Variants in ALPK3 observed in about 807,000 individuals in gnomAD.
ALPK3 encodes the protein alpha-protein kinase 3.
Under a neutral mutation model 140.0 loss-of-function variants are expected in ALPK3, and 102 were observed. The ratio of observed to expected loss-of-function variants is 0.73; its 90% confidence interval spans 0.62 to 0.86. The LOEUF is 0.86. Among genes scored for constraint, ALPK3 ranks in the 40% least tolerant of loss-of-function variants. ALPK3 has a pLI of 0.00. For synonymous variants in ALPK3, 938 were observed against 898.5 expected (o/e 1.04, Z -0.79); for missense variants, 2,254 against 2,208.2 (o/e 1.02, Z -0.42).
rs1363737071 is a variant in ALPK3 at position 84,827,624 on chromosome 15, T to C, written c.304+19T>C. On this transcript the variant is annotated intron_variant, in intron 3 of 13. Coordinates refer to ENST00000258888, the MANE Select transcript of ALPK3 (RefSeq NM_020778.5). ...GTCACAGGTAAGGATGCTGTCTGTATGCTCCATGCCAGGGCCTCTGCACAG... is the reference window on the plus strand; with the variant it reads ...GTCACAGGTAAGGATGCTGTCTGTACGCTCCATGCCAGGGCCTCTGCACAG... 1 of 1,613,628 alleles carries C rather than the reference T, an allele frequency of 6.2e-7. No homozygotes were observed. Among genetic ancestry groups the C allele is most frequent in the South Asian group, 1.1e-5 (1 of 91,044 alleles).
At chr15:84,841,294 G>A (rs989418359) in intron 5 of ALPK3, among the ~76,000 whole-genome samples, 5 of 152,176 alleles carry the variant, frequency 3.3e-5, no homozygotes, top group Non-Finnish European at 7.3e-5. Flanking sequence ...TGGGGGAGAC[G>A]GAGGAGCAGG....
At position 84,856,499 on chromosome 15, in the gene ALPK3, C is replaced by T. The variant is rs553683548; in HGVS notation, c.1761C>T (p.Pro587=). 1 of 1,614,160 alleles carries T rather than the reference C, an allele frequency of 6.2e-7. No homozygotes were observed. Among genetic ancestry groups the T allele is most frequent in the South Asian group, 1.1e-5 (1 of 91,072 alleles). ...STSGSQGIIE[P]MDMETQEDGR... Reference sequence around the variant, plus strand: ...CCGGAAGTCAAGGTATCATTGAACCCATGGATATGGAAACCCAGGAGGATG... The same window carrying T: ...CCGGAAGTCAAGGTATCATTGAACCTATGGATATGGAAACCCAGGAGGATG... The change falls in exon 6 of 14, where the codon CCC becomes CCT. Residue 587 remains proline, a synonymous_variant. Coordinates refer to ENST00000258888, the MANE Select transcript of ALPK3 (RefSeq NM_020778.5).
chr15:84,830,729 C>T (rs1963537269), intron 3 of ALPK3, among the ~76,000 whole-genome samples: 1 of 152,134 alleles, frequency 6.6e-6, no homozygotes, highest in Non-Finnish European at 1.5e-5. Flanking sequence ...GGCAAGATTT[C>T]CTCTGTCACC....
At chr15:84,856,356 G>T (rs533702189) in intron 5 of ALPK3, 36 bp from the exon 6 acceptor site, 2 of 1,552,176 alleles carry the variant, frequency 1.3e-6, no homozygotes, top group Admixed American at 2.0e-5. Flanking sequence ...GAATGTCCAT[G>T]TAGTTAAATC....
In ALPK3 at chr15:84,857,695, C is replaced by T; in HGVS notation, c.2957C>T (p.Ala986Val). 1 of 1,610,718 alleles carries T rather than the reference C, an allele frequency of 6.2e-7. No individual in the cohort carries two copies. Among genetic ancestry groups the T allele is most frequent in the Non-Finnish European group, 8.5e-7 (1 of 1,177,646 alleles). The change falls in exon 6 of 14, where the codon GCA (alanine) becomes GTA (valine). Residue 986 changes from alanine to valine, a missense_variant. Ala to Val is a moderately conservative substitution (Grantham distance 64). Transcript: ENST00000258888. ...SGAGGESQVG[A>V]ATGGLVPSAT... ...GCAGGGGGAGAGTCCCAGGTGGGGG[C>T]AGCCACCGGAGGTCTGGTGCCCTCA... is the stretch of plus-strand genomic sequence containing the variant.
chr15:84,868,204 G>C lies in ALPK3; in HGVS notation c.4866G>C (p.Leu1622=), dbSNP rs756375958. Residue 1622 remains leucine, a synonymous_variant, in exon 14 of 14, where the codon CTG becomes CTC. Coordinates refer to ENST00000258888, the MANE Select transcript of ALPK3 (RefSeq NM_020778.5). The part of the protein sequence containing the change: ...QCNAYCELLG[L]TPLKGPEAAH... ...ATGCCTACTGTGAGCTGCTGGGGCT[G>C]ACACCTCTCAAGGGCCCGGAGGCGG... 1 of 1,614,040 alleles carries C rather than the reference G, an allele frequency of 6.2e-7. No individual in the cohort carries two copies. Among genetic ancestry groups the C allele is most frequent in the Non-Finnish European group, 8.5e-7 (1 of 1,180,028 alleles).
chr15:84,848,541 A>G (rs1011144005), intron 5 of ALPK3, among the ~76,000 whole-genome samples: 60 of 152,314 alleles, frequency 3.9e-4, no homozygotes, highest in African/African-American at 1.4e-3. Flanking sequence ...AGGCAAGAAT[A>G]GGGAAACACA....
chr15:84,858,703 A>G, intron 6 of ALPK3, 148 bp downstream of exon 6: 1 of 1,271,376 alleles, frequency 7.9e-7, no homozygotes, highest in Non-Finnish European at 1.0e-6. Context: ...CCCTTCTCTC[A>G]CAGCCTTTAA....
At chr15:84,851,781 T>C (rs1450630285) in intron 5 of ALPK3, among the ~76,000 whole-genome samples, 1 of 152,232 alleles carries the variant, frequency 6.6e-6, no homozygotes, top group Non-Finnish European at 1.5e-5. Flanking sequence ...ATTTAGGTGA[T>C]TTCTAGTCTA....
intron 1 of ALPK3, among the ~76,000 whole-genome samples, chr15:84,822,180 A>G (rs1963433893): frequency 6.6e-6 from 1 of 152,154 alleles, no homozygotes; most frequent in Non-Finnish European, 1.5e-5. Flanking sequence ...CTGTAGTGCA[A>G]CAACAAGAGC....
Position 84,857,046 on chromosome 15 carries a change from G to A in ALPK3, c.2308G>A (p.Gly770Ser). 1 of 1,614,162 alleles carries A rather than the reference G, an allele frequency of 6.2e-7. No individual in the cohort carries two copies. Among genetic ancestry groups the A allele is most frequent in the South Asian group, 1.1e-5 (1 of 91,080 alleles). ...PEGSCFPKKP[G>S]CLPRSEEAVV... Reference sequence around the variant, plus strand: ...AGGGTCTTGTTTCCCAAAAAAACCTGGTTGCCTGCCCAGATCTGAGGAGGC... The same window carrying A: ...AGGGTCTTGTTTCCCAAAAAAACCTAGTTGCCTGCCCAGATCTGAGGAGGC... Residue 770 changes from glycine (G) to serine (S), a missense_variant, in exon 6 of 14, where the codon GGT becomes AGT. Transcript: ENST00000258888.
At chr15:84,818,096 T>C (rs1432386883) in intron 1 of ALPK3, among the ~76,000 whole-genome samples, 1 of 151,848 alleles carries the variant, frequency 6.6e-6, no homozygotes, top group Non-Finnish European at 1.5e-5. Flanking sequence ...ATAAGGTTCC[T>C]CTACTGGGCC....
intron 5 of ALPK3, among the ~76,000 whole-genome samples, chr15:84,848,061 C>CAA (rs376508901): frequency 0.066 from 8,407 of 127,506 alleles, 364 homozygotes; most frequent in East Asian, 0.2. Flanking sequence ...GACTTGATCT[C>CAA]AAAAAAAAAA....
At chr15:84,839,207 G>A in intron 4 of ALPK3, 110 bp downstream of exon 4, 4 of 897,646 alleles carry the variant, frequency 4.5e-6, no homozygotes, top group Non-Finnish European at 6.9e-6. Flanking sequence ...GGCACTCTCT[G>A]GGGATGGAGG....
intron 5 of ALPK3, among the ~76,000 whole-genome samples, chr15:84,841,716 C>A (rs1963669563): frequency 6.6e-6 from 1 of 151,984 alleles, no homozygotes; most frequent in Non-Finnish European, 1.5e-5. Context: ...CCCAAAGAGG[C>A]AGATGGGTGG....
chr15:84,861,746 C>A (rs1963948082), intron 9 of ALPK3, among the ~76,000 whole-genome samples: 5 of 151,554 alleles, frequency 3.3e-5, no homozygotes. Context: ...TAAATACTTG[C>A]TCTTTTCCCT....
Position 84,860,928 on chromosome 15 carries a change from G to T in ALPK3, c.4129+856G>T, listed in dbSNP as rs143386990. Among the ~76,000 whole-genome samples, 94 of 152,338 alleles carry T rather than the reference G, an allele frequency of 6.2e-4. 1 individual carries two copies. The highest frequency in any genetic ancestry group is 6.8e-3 in the Middle Eastern group (2 of 294). On this transcript the variant is annotated intron_variant, in intron 9 of 13. Coordinates refer to ENST00000258888, the MANE Select transcript of ALPK3 (RefSeq NM_020778.5). ...AGTAGAGATGGGTTTCACTATGTTG[G>T]CAGGTCTGGTCTCGACCTCCTGACC...
Position 84,868,868 on chromosome 15 carries a change from A to C in ALPK3, c.*412A>C. The C allele has an allele frequency of 5.2e-6, 1 of 191,278 alleles. No homozygotes were observed. Among genetic ancestry groups the C allele is most frequent in the Non-Finnish European group, 1.1e-5 (1 of 91,376 alleles). The allele number at this position is 191,278 out of a possible 1,614,324, so 11.8% of individuals were successfully genotyped here. A position where few individuals can be genotyped will look rare whatever the true frequency, so the allele number is the denominator to read the frequency against. On this transcript the variant is annotated 3_prime_UTR_variant, in exon 14 of 14. Transcript: ENST00000258888. The stretch of plus-strand genomic sequence containing the variant: ...AGTGAGGACATGCAGGCCAACTTTT[A>C]CCCTCCTGCATTTGCCTGGCCCTGA...
chr15:84,826,257 T>C (rs1254681925), intron 2 of ALPK3, among the ~76,000 whole-genome samples: 2 of 152,222 alleles, frequency 1.3e-5, no homozygotes, highest in African/African-American at 4.8e-5. Context: ...CTAGATCCTG[T>C]TTGCTTCTGC....
Sources: gnomAD v4.1 joint callset for allele counts (sites outside exome capture counted in the v4.1 genomes callset) on GRCh38, gnomAD v4.1.1 for gene constraint, MANE v1.5 for transcripts, NCBI Gene and HGNC (gene_info 2026-07-23, HGNC 2026-07-21) for gene names.